The following IMMP2L variants were observed in gnomAD, a reference collection of about 807,000 sequenced individuals.
The protein encoded by IMMP2L is mitochondrial inner membrane protease subunit 2.
IMMP2L carries 18 observed loss-of-function variants against 19.3 expected under a neutral mutation model. That is an observed-to-expected ratio of 0.93 (90% CI 0.64 to 1.38). The LOEUF (loss-of-function observed/expected upper bound fraction) is 1.38, where lower values mean the gene tolerates loss of function less well. IMMP2L is among the 40% of genes most tolerant of loss of function. IMMP2L has a pLI of 0.00. For synonymous variants in IMMP2L, 76 were observed against 73.0 expected (o/e 1.04, Z -0.21); for missense variants, 233 against 218.2 (o/e 1.07, Z -0.43).
intron 3 of IMMP2L, among the ~76,000 whole-genome samples, chr7:111,485,220 T>C (rs1291670185): frequency 6.6e-6 from 1 of 152,186 alleles, no homozygotes; most frequent in East Asian, 1.9e-4. Context: ...CACTCTTTTA[T>C]GTAAATGGCT....
chr7:111,193,078 C>T (rs1471440677), intron 3 of IMMP2L, among the ~76,000 whole-genome samples: 1 of 152,004 alleles, frequency 6.6e-6, no homozygotes, highest in Admixed American at 6.6e-5. Flanking sequence ...TGAGTAAAAG[C>T]AACTGTTCAA....
At chr7:110,897,113 G>A (rs756798567) in intron 4 of IMMP2L, among the ~76,000 whole-genome samples, 14 of 152,088 alleles carry the variant, frequency 9.2e-5, no homozygotes, top group Non-Finnish European at 1.5e-4. Context: ...TAGGATTGGG[G>A]AAAGCCTTTT....
intron 3 of IMMP2L, among the ~76,000 whole-genome samples, chr7:111,459,367 G>A (rs1250742178): frequency 6.6e-6 from 1 of 152,080 alleles, no homozygotes; most frequent in Non-Finnish European, 1.5e-5. Context: ...AGCTCCATGA[G>A]TGCAGGAATC....
At chr7:111,498,660 C>G (rs769723745) in intron 2 of IMMP2L, among the ~76,000 whole-genome samples, 1 of 152,118 alleles carries the variant, frequency 6.6e-6, no homozygotes, top group East Asian at 1.9e-4. Flanking sequence ...CCAACATATA[C>G]AATGGTGTAG....
intron 3 of IMMP2L, among the ~76,000 whole-genome samples, chr7:111,265,704 G>T (rs982566633): frequency 6.6e-6 from 1 of 152,146 alleles, no homozygotes; most frequent in East Asian, 1.9e-4. Context: ...AATTGCTCAA[G>T]ATTTCAGAGT....
At chr7:111,355,618 A>C (rs1020715994) in intron 3 of IMMP2L, among the ~76,000 whole-genome samples, 1 of 151,942 alleles carries the variant, frequency 6.6e-6, no homozygotes, top group African/African-American at 2.4e-5. Flanking sequence ...CAGGGAAAAA[A>C]TAGAATAGAA....
chr7:111,273,469 C>G (rs1818694902), intron 3 of IMMP2L, among the ~76,000 whole-genome samples: 1 of 151,936 alleles, frequency 6.6e-6, no homozygotes, highest in South Asian at 2.1e-4. Context: ...AACTAGACAT[C>G]ATACATAATA....
chr7:111,305,080 T>G (rs1822716550), intron 3 of IMMP2L, among the ~76,000 whole-genome samples: 1 of 152,106 alleles, frequency 6.6e-6, no homozygotes, highest in South Asian at 2.1e-4. Flanking sequence ...TTGTCTTGTT[T>G]TTTTGATGAG....
chr7:110,999,401 AT>A (rs1202290789), intron 3 of IMMP2L, among the ~76,000 whole-genome samples: 4 of 100,202 alleles, frequency 4.0e-5, no homozygotes, highest in African/African-American at 7.5e-5. Flanking sequence ...TCTCCCCCAT[AT>A]TTTTTTCTGT....
chr7:110,686,257 C>T (rs1793102963), intron 5 of IMMP2L, among the ~76,000 whole-genome samples: 2 of 152,066 alleles, frequency 1.3e-5, no homozygotes, highest in Admixed American at 1.3e-4. Flanking sequence ...ACTCTGAGCA[C>T]ATTATACAAT....
chr7:111,394,547 C>T (rs1381314290), intron 3 of IMMP2L, among the ~76,000 whole-genome samples: 1 of 152,080 alleles, frequency 6.6e-6, no homozygotes, highest in Non-Finnish European at 1.5e-5. Flanking sequence ...ACTGTAAACA[C>T]TCTGATGGGG....
At chr7:110,834,576 C>T (rs957398720) in intron 5 of IMMP2L, among the ~76,000 whole-genome samples, 1 of 151,980 alleles carries the variant, frequency 6.6e-6, no homozygotes, top group Admixed American at 6.6e-5. Flanking sequence ...ACATATATAC[C>T]TCACCATTAT....
At chr7:111,359,927 A>C (rs1829099643) in intron 3 of IMMP2L, among the ~76,000 whole-genome samples, 1 of 152,048 alleles carries the variant, frequency 6.6e-6, no homozygotes, top group African/African-American at 2.4e-5. Flanking sequence ...TAATGGGATA[A>C]ATGTTCTCTT....
chr7:110,963,551 G>C lies in IMMP2L; in HGVS notation c.254C>G (p.Pro85Arg). 2 of 1,593,134 alleles carry C rather than the reference G, an allele frequency of 1.3e-6. No individual in the cohort carries two copies. Among genetic ancestry groups the C allele is most frequent in the Middle Eastern group, 1.7e-4 (1 of 5,896 alleles). ...CACTCTCTTAATGATCTTCTGTTCT[G>C]GGTTTTTAGGAGACCTAGAACAAGA... ...DIVSLVSPKN[P>R]EQKIIKRVIA... Residue 85 changes from proline (P) to arginine (R), a missense_variant, in exon 4 of 6, where the codon CCA becomes CGA. Physicochemically the swap from Pro to Arg is moderately radical, Grantham distance 103 (BLOSUM62 -2). Coordinates refer to ENST00000405709, the MANE Select transcript of IMMP2L (RefSeq NM_032549.4).
intron 3 of IMMP2L, among the ~76,000 whole-genome samples, chr7:111,371,975 A>G (rs1225356910): frequency 1.3e-5 from 2 of 152,030 alleles, no homozygotes; most frequent in African/African-American, 4.8e-5. Context: ...GAATATATTG[A>G]CAAATGGCCA....
chr7:111,369,780 C>G (rs1310245226), intron 3 of IMMP2L, among the ~76,000 whole-genome samples: 1 of 151,828 alleles, frequency 6.6e-6, no homozygotes, highest in Non-Finnish European at 1.5e-5. Flanking sequence ...TTTTATCTCC[C>G]TAGACCTAGG....
chr7:111,287,514 C>A (rs1442953137), intron 3 of IMMP2L, among the ~76,000 whole-genome samples: 1 of 151,058 alleles, frequency 6.6e-6, no homozygotes, highest in South Asian at 2.1e-4. Flanking sequence ...ATGTAACTTA[C>A]AGTCTTTTGT....
At chr7:111,414,965 G>A (rs894586693) in intron 3 of IMMP2L, among the ~76,000 whole-genome samples, 1 of 151,782 alleles carries the variant, frequency 6.6e-6, no homozygotes, top group African/African-American at 2.4e-5. Context: ...CTTTAAGTAT[G>A]ATAGTTTTCA....
chr7:110,719,114 A>G (rs1277939100), intron 5 of IMMP2L, among the ~76,000 whole-genome samples: 2 of 152,250 alleles, frequency 1.3e-5, no homozygotes, highest in African/African-American at 4.8e-5. Context: ...GATGTAGCTC[A>G]GAAAGTTAAG....
Sources: allele counts gnomAD v4.1 joint callset (sites outside exome capture counted in the v4.1 genomes callset), GRCh38; gene constraint gnomAD v4.1.1; transcripts MANE v1.5; gene names NCBI Gene and HGNC (gene_info 2026-07-23, HGNC 2026-07-21).